MUC22: variants seen among roughly 807,000 people sequenced by gnomAD.
MUC22 encodes the protein mucin 22.
Under a neutral mutation model 40.3 loss-of-function variants are expected in MUC22, and 24 were observed. The observed-to-expected ratio is 0.60, with a 90% CI of 0.43 to 0.84. The LOEUF (loss-of-function observed/expected upper bound fraction) is 0.84, where lower values mean the gene tolerates loss of function less well. Ranked by LOEUF, MUC22 falls within the 40% of genes least tolerant of loss-of-function variation. The pLI is 0.00. For missense variants in MUC22, 1,926 were observed against 2,130.7 expected (o/e 0.90, Z 1.89); for synonymous variants, 765 against 844.5 (o/e 0.91, Z 1.63).
chr6:31,019,455 T>C (rs919290423), intron 1 of MUC22, among the ~76,000 whole-genome samples: 3 of 152,198 alleles, frequency 2.0e-5, no homozygotes, highest in African/African-American at 7.2e-5. Flanking sequence ...TACTTTCTCT[T>C]CCCTTCCTGA....
chr6:31,022,459 C>T (rs539880302), intron 1 of MUC22, among the ~76,000 whole-genome samples: 22 of 148,312 alleles, frequency 1.5e-4, no homozygotes, highest in Admixed American at 1.5e-3. Context: ...GCAAGACTGA[C>T]ATTTTTTTTT....
intron 1 of MUC22, among the ~76,000 whole-genome samples, chr6:31,023,172 AAAAAAAGGCG>A (rs1765012910): frequency 2.1e-5 from 2 of 94,946 alleles, no homozygotes; most frequent in Admixed American, 8.9e-5. Flanking sequence ...TAATTAAAAA[AAAAAAAGGCG>A]AAAAATGGAG....
At chr6:31,025,617 C>T (rs1395935690) in exon 2 of MUC22, 1 of 1,524,706 alleles carries the variant, frequency 6.6e-7, no homozygotes, top group African/African-American at 1.4e-5. Context: ...TAACTACAGG[C>T]TCTAAGATCA....
chr6:31,035,151 A>C, exon 4 of MUC22: 1 of 564,544 alleles, frequency 1.8e-6, no homozygotes, highest in East Asian at 3.0e-5. Context: ...TCAAGAAAAG[A>C]ACCAGCAAAA....
At chr6:31,015,365 G>C (rs753921042) in intron 1 of MUC22, among the ~76,000 whole-genome samples, 3 of 152,082 alleles carry the variant, frequency 2.0e-5, no homozygotes, top group Non-Finnish European at 4.4e-5. Context: ...CAGAAATCAA[G>C]GAATAGGTAT....
At chr6:31,027,890 C>A (rs1460923221) in exon 2 of MUC22, 3 of 1,534,870 alleles carry the variant, frequency 2.0e-6, no homozygotes, top group East Asian at 2.5e-5. Flanking sequence ...ACAGTCTCCA[C>A]CACAGGTGCT....
rs187748345 is a variant in MUC22, at chr6:31,011,117, A to G, written c.70+341A>G. Among the ~76,000 whole-genome samples, 1 of 151,526 alleles carries G rather than the reference A, an allele frequency of 6.6e-6. No individual in the cohort carries two copies. Among genetic ancestry groups the G allele is most frequent in the Non-Finnish European group, 1.5e-5 (1 of 67,906 alleles). On this transcript the variant is annotated intron_variant, in intron 1 of 3. Coordinates refer to ENST00000561890, the Ensembl canonical transcript of MUC22. This position sits in a 1 kb window ranked among gnomAD's most constrained non-coding sequence, Gnocchi z 4.5. ...AAAAGTTTTTTTTTTTAACCGGAAA[A>G]CTCTAGTTCCAATAGCATTCTTAAT...
exon 2 of MUC22, chr6:31,029,958 C>T: frequency 6.5e-7 from 1 of 1,529,826 alleles, no homozygotes; most frequent in Non-Finnish European, 8.7e-7. Flanking sequence ...CTGCAACTTC[C>T]CTCACAGGCT....
exon 2 of MUC22, chr6:31,026,829 C>A: frequency 6.7e-7 from 1 of 1,493,310 alleles, no homozygotes; most frequent in Non-Finnish European, 8.9e-7. Context: ...GCTCTGAGAC[C>A]ACAACAGCCT....
intron 1 of MUC22, among the ~76,000 whole-genome samples, chr6:31,016,745 C>T (rs1022133394): frequency 4.6e-5 from 7 of 152,248 alleles, no homozygotes; most frequent in Non-Finnish European, 8.8e-5. Flanking sequence ...CCTCTCTGGG[C>T]TGGCCGAGGC....
At chr6:31,012,611 C>T (rs1763930561) in intron 1 of MUC22, among the ~76,000 whole-genome samples, 1 of 152,216 alleles carries the variant, frequency 6.6e-6, no homozygotes, top group Admixed American at 6.5e-5. Context: ...AACACTTGGT[C>T]TACTGTAAAA....
chr6:31,019,550 A>G (rs4713413), intron 1 of MUC22, among the ~76,000 whole-genome samples: 22,082 of 152,176 alleles, frequency 0.15, 1,760 homozygotes, highest in African/African-American at 0.19. Flanking sequence ...TGGCCCAGAG[A>G]AGGATATAAG....
chr6:31,024,160 G>T (rs879483998), intron 1 of MUC22, among the ~76,000 whole-genome samples: 4 of 152,128 alleles, frequency 2.6e-5, no homozygotes, highest in Non-Finnish European at 5.9e-5. Context: ...GAAGATCAAA[G>T]GAAGACTGAA....
chr6:31,034,529 C>A, intron 3 of MUC22, 143 bp from the exon 4 acceptor site: 1 of 664,386 alleles, frequency 1.5e-6, no homozygotes, highest in South Asian at 2.0e-5. Context: ...AGACAGAGAT[C>A]ATAGTAAGGA....
upstream of MUC22, among the ~76,000 whole-genome samples, chr6:31,008,842 T>C (rs1362308220): frequency 1.3e-5 from 2 of 151,938 alleles, no homozygotes; most frequent in Non-Finnish European, 2.9e-5. Flanking sequence ...CCACCAAAAT[T>C]TTTTTCTTTC....
chr6:31,030,353 TA>T (rs1486698307), intron 2 of MUC22, among the ~76,000 whole-genome samples: 4 of 152,014 alleles, frequency 2.6e-5, no homozygotes, highest in Non-Finnish European at 4.4e-5. Context: ...CAGTCTCTAC[TA>T]AAAATACAAA....
At chr6:31,021,109 G>A (rs6929324) in intron 1 of MUC22, among the ~76,000 whole-genome samples, 1 of 152,268 alleles carries the variant, frequency 6.6e-6, no homozygotes, top group African/African-American at 2.4e-5. Context: ...GACTGTGAGC[G>A]CATGGCGTAG....
chr6:31,014,840 T>G (rs1232542530), intron 1 of MUC22, among the ~76,000 whole-genome samples: 2 of 152,168 alleles, frequency 1.3e-5, no homozygotes, highest in Non-Finnish European at 2.9e-5. Flanking sequence ...TATTTTGTAT[T>G]ATTTTATGAT....
At chr6:31,018,618 C>T (rs938203553) in intron 1 of MUC22, among the ~76,000 whole-genome samples, 12 of 152,246 alleles carry the variant, frequency 7.9e-5, no homozygotes, top group Admixed American at 2.6e-4. Context: ...CTATGAAATC[C>T]GTAAGCCTCC....
Sources: allele counts gnomAD v4.1 joint callset (sites outside exome capture counted in the v4.1 genomes callset), GRCh38; gene constraint gnomAD v4.1.1; non-coding constraint Gnocchi (gnomAD v3.1); transcripts MANE v1.5; gene names NCBI Gene and HGNC (gene_info 2026-07-23, HGNC 2026-07-21).